RAP1GDS1: variants seen among roughly 807,000 people sequenced by gnomAD.
RAP1GDS1 encodes the protein Rap1 GTPase-GDP dissociation stimulator 1, also known as RAP1, GTP-GDP dissociation stimulator 1.
A neutral mutation model predicts 71.1 loss-of-function variants in RAP1GDS1; 35 were observed. The ratio of observed to expected loss-of-function variants is 0.49; its 90% CI spans 0.38 to 0.65. RAP1GDS1 has a LOEUF of 0.65. Ranked by LOEUF, RAP1GDS1 falls within the 30% of genes least tolerant of loss-of-function variation. The pLI, the probability that RAP1GDS1 is intolerant of heterozygous loss-of-function variation, is 0.00. For synonymous variants in RAP1GDS1, 229 were observed against 243.1 expected, an observed-to-expected ratio of 0.94 and a Z score of 0.54; for missense variants, 663 against 706.1, an observed-to-expected ratio of 0.94 and a Z score of 0.69.
chr4:98,340,563 C>G (rs1241367577), intron 2 of RAP1GDS1, among the ~76,000 whole-genome samples: 1 of 152,008 alleles, frequency 6.6e-6, no homozygotes, highest in Non-Finnish European at 1.5e-5. Context: ...GCCTGGCCAA[C>G]ATAGCAAAAC....
intron 4 of RAP1GDS1, among the ~76,000 whole-genome samples, chr4:98,377,884 A>C (rs1179250758): frequency 1.3e-5 from 2 of 151,888 alleles, no homozygotes; most frequent in East Asian, 3.8e-4. Context: ...TTAGCTACTG[A>C]GCAATTTAAA....
At position 98,338,701 on chromosome 4, in the gene RAP1GDS1, A is replaced by G. The variant is rs536978676; in HGVS notation, c.113-4438A>G. 2.0e-5 allele frequency among the ~76,000 whole-genome samples: 3 copies of G among 152,306 alleles called. No homozygotes were observed. In the South Asian group the frequency reaches 6.2e-4, roughly 32 times the overall value. On this transcript the variant is annotated intron_variant, in intron 2 of 14. Coordinates refer to ENST00000408927, the MANE Select transcript of RAP1GDS1 (RefSeq NM_001100427.2). Reference sequence around the variant, plus strand: ...AAATGTTTTTTATTACTCTAAAGCTATATTACCAATCTAATCCAAATACAC... The same window carrying G: ...AAATGTTTTTTATTACTCTAAAGCTGTATTACCAATCTAATCCAAATACAC...
rs560541962 is a variant in RAP1GDS1 at position 98,439,026 on chromosome 4, A to G, written c.1696+1958A>G. Among the ~76,000 whole-genome samples, 9 of 152,338 alleles carry G rather than the reference A, an allele frequency of 5.9e-5. No homozygotes were observed. In the South Asian group the frequency reaches 8.3e-4, roughly 14 times the overall value. ...ACTCTTTGAAAGAGAAGGGAAGTCT[A>G]TCGTATTTACGCACATTTTTAGATT... On this transcript the variant is annotated intron_variant, in intron 14 of 14. Transcript: ENST00000408927.
intron 4 of RAP1GDS1, among the ~76,000 whole-genome samples, chr4:98,362,095 T>C (rs1738829510): frequency 6.6e-6 from 1 of 152,212 alleles, no homozygotes. Context: ...AGAAATTCAC[T>C]GTTGGCAAAA....
chr4:98,301,645 G>A (rs1417833331), intron 2 of RAP1GDS1, among the ~76,000 whole-genome samples: 1 of 152,110 alleles, frequency 6.6e-6, no homozygotes, highest in Non-Finnish European at 1.5e-5. Flanking sequence ...GAGGGAAATG[G>A]GGAACCAGGA....
intron 7 of RAP1GDS1, among the ~76,000 whole-genome samples, chr4:98,415,787 A>G (rs886902882): frequency 8.5e-5 from 13 of 152,170 alleles, no homozygotes; most frequent in Admixed American, 7.2e-4. Flanking sequence ...TTTTTCTTTT[A>G]ACTTTTATTA....
chr4:98,403,936 G>C (rs1745779984), intron 6 of RAP1GDS1, among the ~76,000 whole-genome samples: 1 of 152,092 alleles, frequency 6.6e-6, no homozygotes, highest in South Asian at 2.1e-4. Flanking sequence ...GTGGACTAGG[G>C]GGAGGATGTT....
intron 2 of RAP1GDS1, among the ~76,000 whole-genome samples, chr4:98,331,665 AT>A (rs1734035665): frequency 6.6e-6 from 1 of 152,164 alleles, no homozygotes; most frequent in Non-Finnish European, 1.5e-5. Flanking sequence ...AATGTTTCTT[AT>A]TCAATTTATC....
intron 2 of RAP1GDS1, among the ~76,000 whole-genome samples, chr4:98,331,342 C>A (rs1429077858): frequency 8.3e-6 from 1 of 120,608 alleles, no homozygotes; most frequent in Non-Finnish European, 1.6e-5. Flanking sequence ...ACAGAGACCA[C>A]GGAGAGGGAG....
chr4:98,272,420 G>A (rs1393545794), intron 1 of RAP1GDS1, among the ~76,000 whole-genome samples: 1 of 152,164 alleles, frequency 6.6e-6, no homozygotes, highest in Non-Finnish European at 1.5e-5. Context: ...GCTTGAAGAA[G>A]TGGTAGTCAG....
At chr4:98,410,848 A>G (rs190344921) in intron 7 of RAP1GDS1, among the ~76,000 whole-genome samples, 1 of 152,356 alleles carries the variant, frequency 6.6e-6, no homozygotes, top group African/African-American at 2.4e-5. Context: ...TGATGAAAGT[A>G]TAGAAGTGAT....
chr4:98,287,537 A>G (rs1726220376), intron 1 of RAP1GDS1, among the ~76,000 whole-genome samples: 1 of 152,198 alleles, frequency 6.6e-6, no homozygotes, highest in Admixed American at 6.5e-5. Flanking sequence ...GGAGAGTCAT[A>G]CTGGGAGCAA....
chr4:98,405,379 C>G (rs1578760793), intron 7 of RAP1GDS1, among the ~76,000 whole-genome samples: 1 of 152,048 alleles, frequency 6.6e-6, no homozygotes, highest in East Asian at 1.9e-4. Context: ...AATTAAAGAA[C>G]CAGTGAACTG....
At chr4:98,287,638 T>C (rs1465921540) in intron 1 of RAP1GDS1, among the ~76,000 whole-genome samples, 1 of 152,220 alleles carries the variant, frequency 6.6e-6, no homozygotes, top group Non-Finnish European at 1.5e-5. Context: ...TTATGAAATA[T>C]AGTTTGGAGT....
intron 12 of RAP1GDS1, 31 bp from the exon 13 acceptor site, chr4:98,433,905 G>T: frequency 6.4e-7 from 1 of 1,570,734 alleles, no homozygotes; most frequent in African/African-American, 1.4e-5. Flanking sequence ...TAAAATTAAA[G>T]TCTATAATTC....
chr4:98,277,522 T>C (rs1221735586), intron 1 of RAP1GDS1, among the ~76,000 whole-genome samples: 3 of 152,170 alleles, frequency 2.0e-5, no homozygotes, highest in African/African-American at 7.2e-5. Context: ...ATATCTTTGA[T>C]TCTGTTATTA....
At chr4:98,304,221 A>G (rs1728988289) in intron 2 of RAP1GDS1, among the ~76,000 whole-genome samples, 1 of 152,140 alleles carries the variant, frequency 6.6e-6, no homozygotes, top group Admixed American at 6.5e-5. Flanking sequence ...CAGTAATGGG[A>G]TTGCTGGGTC....
intron 1 of RAP1GDS1, 130 bp downstream of exon 1, chr4:98,261,699 C>T: frequency 8.0e-7 from 1 of 1,245,098 alleles, no homozygotes; most frequent in Non-Finnish European, 1.1e-6. Context: ...GGTGGCTGTT[C>T]CTCCGGGGAG....
At chr4:98,271,766 T>C (rs1275314290) in intron 1 of RAP1GDS1, among the ~76,000 whole-genome samples, 1 of 152,208 alleles carries the variant, frequency 6.6e-6, no homozygotes. Context: ...TGAGTTATGC[T>C]ACACTTTACA....
Sources: gnomAD v4.1 joint callset for allele counts (sites outside exome capture counted in the v4.1 genomes callset) on GRCh38, gnomAD v4.1.1 for gene constraint, MANE v1.5 for transcripts, NCBI Gene and HGNC (gene_info 2026-07-23, HGNC 2026-07-21) for gene names.